Variants in PCDHGA1 observed in about 807,000 individuals in gnomAD.
The protein encoded by PCDHGA1 is protocadherin gamma-A1.
A neutral mutation model predicts 58.0 loss-of-function variants in PCDHGA1; 32 were observed. That is an observed-to-expected ratio of 0.55 (90% confidence interval 0.42 to 0.74). PCDHGA1 has a LOEUF of 0.74. PCDHGA1 is among the 30% of genes least tolerant of loss of function. PCDHGA1 has a pLI of 0.00. For missense variants in PCDHGA1, 1,205 were observed against 1,182.3 expected (o/e 1.02, Z -0.28); for synonymous variants, 498 against 501.1 (o/e 0.99, Z 0.08).
intron 1 of PCDHGA1, among the ~76,000 whole-genome samples, chr5:141,468,952 G>GT (rs34870721): frequency 0.24 from 35,946 of 151,248 alleles, 4,442 homozygotes; most frequent in Admixed American, 0.32. Flanking sequence ...TAAACCTGTG[G>GT]TTTTTTTTAC....
intron 1 of PCDHGA1, among the ~76,000 whole-genome samples, chr5:141,465,683 A>G (rs2099107378): frequency 6.6e-6 from 1 of 152,236 alleles, no homozygotes; most frequent in African/African-American, 2.4e-5. Context: ...GCTCTTGACC[A>G]GTCTGCTTTT....
In PCDHGA1 at chr5:141,463,735, C is replaced by T. The variant is rs1411988885; in HGVS notation, c.2422-31072C>T. On this transcript the variant is annotated intron_variant, in intron 1 of 3. Coordinates refer to ENST00000517417, the MANE Select transcript of PCDHGA1 (RefSeq NM_018912.3). ...TGCTGGGATTACAGGCATGAGCCAC[C>T]GCGCCCGGCCTGCTTCTCTTCTCTT... 3.3e-5 allele frequency among the ~76,000 whole-genome samples: 5 copies of T among 152,100 alleles called. No individual in the cohort carries two copies. The East Asian group carries it at 7.8e-4, about 24-fold the overall frequency.
rs2099183566 is a variant in PCDHGA1, at chr5:141,468,861, A to G, written c.2422-25946A>G. 3.9e-5 allele frequency among the ~76,000 whole-genome samples: 6 copies of G among 152,168 alleles called. No homozygotes were observed. In the South Asian group the frequency reaches 1.2e-3, roughly 32 times the overall value. On this transcript the variant is annotated intron_variant, in intron 1 of 3. Coordinates refer to ENST00000517417, the MANE Select transcript of PCDHGA1 (RefSeq NM_018912.3). ...AGCCTGGGCAACAGAGCGAGACTCCATCTCAAAAATAATAATAATAATAAT... is the reference window on the plus strand; with the variant it reads ...AGCCTGGGCAACAGAGCGAGACTCCGTCTCAAAAATAATAATAATAATAAT...
chr5:141,398,689 G>A (rs6867460), intron 1 of PCDHGA1: 228,699 of 1,613,720 alleles, frequency 0.14, 18,438 homozygotes, highest in African/African-American at 0.32. Context: ...GAAACAGGAT[G>A]GTAGTAAATA....
chr5:141,365,164 C>T lies in PCDHGA1; in HGVS notation c.2421+32059C>T, dbSNP rs548514157. The T allele has an allele frequency of 2.2e-5, 35 of 1,613,882 alleles. No individual in the cohort carries two copies. The East Asian group carries it at 7.1e-4, about 33-fold the overall frequency. On this transcript the variant is annotated intron_variant, in intron 1 of 3. Coordinates refer to ENST00000517417, the MANE Select transcript of PCDHGA1 (RefSeq NM_018912.3). ...ATGAGGGAATAAACGGGAAATTGAC[C>T]TACTCTTTTCGCAATGAAGAAGAAA...
intron 1 of PCDHGA1, chr5:141,357,723 T>TA: frequency 7.2e-6 from 10 of 1,391,112 alleles, no homozygotes; most frequent in Middle Eastern, 3.8e-4. Context: ...AAGTTGCCTC[T>TA]TTTAATATTT....
intron 1 of PCDHGA1, chr5:141,389,006 C>T (rs1238735616): frequency 1.2e-6 from 2 of 1,613,868 alleles, no homozygotes. Flanking sequence ...ACAAGGATTC[C>T]AGACACAATG....
At chr5:141,427,954 T>G in intron 1 of PCDHGA1, 1 of 1,587,162 alleles carries the variant, frequency 6.3e-7, no homozygotes, top group Non-Finnish European at 8.6e-7. Context: ...AATGACAATG[T>G]GCCGCGGGTG....
Position 141,393,949 on chromosome 5 carries a change from A to G in PCDHGA1, c.2421+60844A>G, listed in dbSNP as rs370166968. 2.5e-6 allele frequency: 4 copies of G among 1,613,874 alleles called. No individual in the cohort carries two copies. The highest frequency in any genetic ancestry group is 3.4e-6 in the Non-Finnish European group (4 of 1,179,890). Reference sequence around the variant, plus strand: ...GTGCATGACCAAGACTCTGGAAAGAATGGTCAAGTTGTCTGTTACACACGT... The same window carrying G: ...GTGCATGACCAAGACTCTGGAAAGAGTGGTCAAGTTGTCTGTTACACACGT... On this transcript the variant is annotated intron_variant, in intron 1 of 3. Coordinates refer to ENST00000517417, the MANE Select transcript of PCDHGA1 (RefSeq NM_018912.3).
chr5:141,372,305 C>T (rs749468095), intron 1 of PCDHGA1: 5 of 1,613,260 alleles, frequency 3.1e-6, no homozygotes, highest in South Asian at 1.1e-5. Context: ...ACAGGGAGGC[C>T]GCCCGCCAGC....
At position 141,432,963 on chromosome 5, in the gene PCDHGA1, C is replaced by T. The variant is rs1382354299; in HGVS notation, c.2422-61844C>T. 1.5e-5 allele frequency: 24 copies of T among 1,614,046 alleles called. 1 individual carries two copies. In the South Asian group the frequency reaches 2.3e-4, roughly 16 times the overall value. On this transcript the variant is annotated intron_variant, in intron 1 of 3. Transcript: ENST00000517417. The surrounding 1 kb of genome is among the most constrained non-coding windows in gnomAD (Gnocchi z 6.0). ...GCTTCAGGAGGCGGCTTGACAGGAG[C>T]GCCGGCGTCGCACTTTGTGGGCGTG...
chr5:141,341,692 T>C (rs553214100), intron 1 of PCDHGA1: 81 of 563,656 alleles, frequency 1.4e-4, no homozygotes, highest in African/African-American at 1.4e-3. Context: ...TCTCCATCCC[T>C]GGGCAAATCA....
chr5:141,403,229 G>C, intron 1 of PCDHGA1: 1 of 1,613,950 alleles, frequency 6.2e-7, no homozygotes, highest in Non-Finnish European at 8.5e-7. Flanking sequence ...GATAGACCGG[G>C]AGGAGCTCTG....
chr5:141,491,648 T>G lies in PCDHGA1; in HGVS notation c.2422-3159T>G, dbSNP rs756792762. 1 of 1,613,834 alleles carries G rather than the reference T, an allele frequency of 6.2e-7. No individual in the cohort carries two copies. Among genetic ancestry groups the G allele is most frequent in the Non-Finnish European group, 8.5e-7 (1 of 1,180,002 alleles). On this transcript the variant is annotated intron_variant, in intron 1 of 3. Coordinates refer to ENST00000517417, the MANE Select transcript of PCDHGA1 (RefSeq NM_018912.3). This position sits in a 1 kb window ranked among gnomAD's most constrained non-coding sequence, Gnocchi z 6.9. Reference sequence around the variant, plus strand: ...GTTCAGCAGCCCACAGCTCTGGCGCTGGAGCCTGACGCCATCCGGTCCCGC... The same window carrying G: ...GTTCAGCAGCCCACAGCTCTGGCGCGGGAGCCTGACGCCATCCGGTCCCGC...
intron 1 of PCDHGA1, among the ~76,000 whole-genome samples, chr5:141,470,664 G>A (rs1308061207): frequency 6.6e-6 from 1 of 151,882 alleles, no homozygotes; most frequent in Non-Finnish European, 1.5e-5. Context: ...CTTTGGTTAG[G>A]GCTCTGCTGT....
Position 141,432,151 on chromosome 5 carries a change from C to T in PCDHGA1, c.2422-62656C>T. 2 of 1,614,122 alleles carry T rather than the reference C, an allele frequency of 1.2e-6. No homozygotes were observed. The highest frequency in any genetic ancestry group is 2.2e-5 in the South Asian group (2 of 91,066). ...CCTATTCCGCTTATATCCCAGAGAA[C>T]AATCCCAGAGGAGTTTCCCTCGTCT... On this transcript the variant is annotated intron_variant, in intron 1 of 3. Transcript: ENST00000517417. The surrounding 1 kb of genome is among the most constrained non-coding windows in gnomAD (Gnocchi z 6.0).
rs1186225096 is a variant in PCDHGA1, at chr5:141,490,605, C to G, written c.2422-4202C>G. The G allele has an allele frequency of 1.1e-5, 18 of 1,614,198 alleles. No homozygotes were observed. Among genetic ancestry groups the G allele is most frequent in the Non-Finnish European group, 1.5e-5 (18 of 1,180,030 alleles). On this transcript the variant is annotated intron_variant, in intron 1 of 3. Transcript: ENST00000517417. The surrounding 1 kb of genome is among the most constrained non-coding windows in gnomAD (Gnocchi z 5.4). ...TCAATGACAATGCACCCCGCTTCAACCAGCAGCTTTACACTGCTTACATCC... is the reference window on the plus strand; with the variant it reads ...TCAATGACAATGCACCCCGCTTCAAGCAGCAGCTTTACACTGCTTACATCC...
rs761098701 is a variant in PCDHGA1, at chr5:141,344,220, G to C, written c.2421+11115G>C. 21 of 1,614,036 alleles carry C rather than the reference G, an allele frequency of 1.3e-5. No homozygotes were observed. The highest frequency in any genetic ancestry group is 1.6e-5 in the Non-Finnish European group (19 of 1,179,914). On this transcript the variant is annotated intron_variant, in intron 1 of 3. Coordinates refer to ENST00000517417, the MANE Select transcript of PCDHGA1 (RefSeq NM_018912.3). The stretch of plus-strand genomic sequence containing the variant: ...AGAGCCCCGGGAGCTGGCGGAGCGC[G>C]GAGTCCGCATCGTCTCCAGAGGTAG...
At chr5:141,457,715 CA>C (rs2098928510) in intron 1 of PCDHGA1, among the ~76,000 whole-genome samples, 2 of 152,212 alleles carry the variant, frequency 1.3e-5, no homozygotes, top group Non-Finnish European at 2.9e-5. Flanking sequence ...CACTGTTCCA[CA>C]AGGAATTTCA....
Sources: gnomAD v4.1 joint callset for allele counts (sites outside exome capture counted in the v4.1 genomes callset) on GRCh38, gnomAD v4.1.1 for gene constraint, Gnocchi (gnomAD v3.1) non-coding constraint, MANE v1.5 for transcripts, NCBI Gene and HGNC (gene_info 2026-07-23, HGNC 2026-07-21) for gene names.